The following PIP5K1B variants were observed in gnomAD, a reference collection of about 807,000 sequenced individuals.
PIP5K1B encodes phosphatidylinositol 4-phosphate 5-kinase type-1 beta.
Under a neutral mutation model 67.0 loss-of-function variants are expected in PIP5K1B, and 42 were observed. The observed-to-expected ratio is 0.63, with a 90% CI of 0.49 to 0.81. The LOEUF (loss-of-function observed/expected upper bound fraction) is 0.81. Ranked by LOEUF, PIP5K1B falls within the 30% of genes least tolerant of loss-of-function variation. PIP5K1B has a pLI of 0.00. For missense variants in PIP5K1B, 459 were observed against 646.3 expected (o/e 0.71, Z 3.14); for synonymous variants, 214 against 231.4 (o/e 0.92, Z 0.68).
chr9:68,839,195 T>C (rs1821784579), intron 4 of PIP5K1B, among the ~76,000 whole-genome samples: 1 of 152,224 alleles, frequency 6.6e-6, no homozygotes, highest in Non-Finnish European at 1.5e-5. Context: ...TTCCTTTTAT[T>C]GAGAATTTTA....
intron 4 of PIP5K1B, among the ~76,000 whole-genome samples, chr9:68,827,659 G>A (rs943185166): frequency 3.3e-5 from 5 of 152,166 alleles, no homozygotes; most frequent in Admixed American, 6.5e-5. Flanking sequence ...AAAGTTGGGT[G>A]CAAAGTTGAG....
At chr9:68,858,562 C>T (rs999776060) in intron 4 of PIP5K1B, among the ~76,000 whole-genome samples, 6 of 152,120 alleles carry the variant, frequency 3.9e-5, no homozygotes, top group African/African-American at 1.4e-4. Context: ...GGGAAGCAGA[C>T]AGGGAGTAAT....
At chr9:68,936,602 TGTG>T (rs1244476986) in intron 13 of PIP5K1B, among the ~76,000 whole-genome samples, 1 of 152,164 alleles carries the variant, frequency 6.6e-6, no homozygotes, top group Non-Finnish European at 1.5e-5. Context: ...GTCTTTAAGA[TGTG>T]GTGTTATTTC....
chr9:68,887,115 T>A (rs1163769417), intron 6 of PIP5K1B, among the ~76,000 whole-genome samples: 2 of 152,240 alleles, frequency 1.3e-5, no homozygotes, highest in African/African-American at 4.8e-5. Flanking sequence ...ATTTAGAATT[T>A]ACTGCAACTC....
chr9:68,731,698 G>A (rs1337203296), intron 1 of PIP5K1B, among the ~76,000 whole-genome samples: 2 of 152,172 alleles, frequency 1.3e-5, no homozygotes, highest in Non-Finnish European at 2.9e-5. Flanking sequence ...TGTGGCTGGA[G>A]TTAGACAGCC....
At chr9:68,896,966 C>G (rs1436601459) in intron 8 of PIP5K1B, among the ~76,000 whole-genome samples, 2 of 152,118 alleles carry the variant, frequency 1.3e-5, no homozygotes, top group Non-Finnish European at 2.9e-5. Context: ...AATCCCCTTC[C>G]TAGAGTTACC....
intron 14 of PIP5K1B, among the ~76,000 whole-genome samples, chr9:68,953,448 A>G (rs1310549517): frequency 1.3e-5 from 2 of 151,750 alleles, no homozygotes; most frequent in South Asian, 2.1e-4. Context: ...TACATGTTCT[A>G]TACTGGAGGT....
At chr9:68,961,456 AT>A (rs1828743456) in intron 14 of PIP5K1B, among the ~76,000 whole-genome samples, 1 of 152,214 alleles carries the variant, frequency 6.6e-6, no homozygotes, top group South Asian at 2.1e-4. Flanking sequence ...CATATGATAT[AT>A]CAATAAAACT....
chr9:68,830,228 C>T (rs765474036), intron 4 of PIP5K1B, among the ~76,000 whole-genome samples: 4 of 152,162 alleles, frequency 2.6e-5, no homozygotes, highest in Admixed American at 6.5e-5. Context: ...TAAATAATTC[C>T]GTTACACTTA....
chr9:68,974,295 A>G (rs958774306), intron 14 of PIP5K1B, among the ~76,000 whole-genome samples: 1 of 152,222 alleles, frequency 6.6e-6, no homozygotes, highest in East Asian at 1.9e-4. Context: ...TTCTTAAAGT[A>G]TAGGCTCTAG....
At chr9:68,737,523 A>C (rs1458083750) in intron 1 of PIP5K1B, among the ~76,000 whole-genome samples, 1 of 152,220 alleles carries the variant, frequency 6.6e-6, no homozygotes, top group East Asian at 1.9e-4. Context: ...ACAATGAAAG[A>C]AAATCCAGGT....
intron 2 of PIP5K1B, among the ~76,000 whole-genome samples, chr9:68,807,771 G>GA (rs1832949860): frequency 6.6e-6 from 1 of 151,902 alleles, no homozygotes; most frequent in Non-Finnish European, 1.5e-5. Context: ...GTACTCTTAG[G>GA]AAAAAAAGAG....
intron 2 of PIP5K1B, among the ~76,000 whole-genome samples, chr9:68,744,807 A>G (rs750926029): frequency 2.6e-5 from 4 of 151,898 alleles, no homozygotes; most frequent in Admixed American, 6.6e-5. Flanking sequence ...CTCACCTCCA[A>G]TTTCCTTGGT....
intron 4 of PIP5K1B, among the ~76,000 whole-genome samples, chr9:68,837,632 A>T: frequency 8.6e-6 from 1 of 116,618 alleles, no homozygotes. Context: ...TTTTGACCCA[A>T]GCTTTTATAT....
At position 69,004,319 on chromosome 9, in the gene PIP5K1B, G is replaced by A. The variant is rs944264812; in HGVS notation, c.1621-4128G>A. On this transcript the variant is annotated intron_variant, in intron 15 of 15. Coordinates refer to ENST00000265382, the MANE Select transcript of PIP5K1B (RefSeq NM_003558.4). Reference sequence around the variant, plus strand: ...AGGCAAAAATGCTGCACCTTTGTGGGCGTGTGTGTGTGTGTTTTTGTGTGT... The same window carrying A: ...AGGCAAAAATGCTGCACCTTTGTGGACGTGTGTGTGTGTGTTTTTGTGTGT... Among the ~76,000 whole-genome samples, 3 of 138,222 alleles carry A rather than the reference G, an allele frequency of 2.2e-5. No homozygotes were observed. The East Asian group carries it at 6.8e-4, about 31-fold the overall frequency. The allele number at this position is 138,222 out of a possible 152,430, so 90.7% of individuals were successfully genotyped here.
intron 8 of PIP5K1B, among the ~76,000 whole-genome samples, chr9:68,909,034 C>A (rs1322809208): frequency 6.6e-6 from 1 of 152,124 alleles, no homozygotes; most frequent in African/African-American, 2.4e-5. Context: ...CTGCTTTAAC[C>A]ACTTTAGTTA....
chr9:68,750,513 G>A (rs536408600), intron 2 of PIP5K1B, among the ~76,000 whole-genome samples: 26 of 152,302 alleles, frequency 1.7e-4, no homozygotes, highest in Non-Finnish European at 2.9e-4. Context: ...ATTTAGCAGC[G>A]TTTAGCAGGT....
chr9:68,853,713 A>G (rs916717848), intron 4 of PIP5K1B, among the ~76,000 whole-genome samples: 21 of 152,180 alleles, frequency 1.4e-4, no homozygotes, highest in African/African-American at 5.1e-4. Flanking sequence ...AGTCCTGTCT[A>G]TGTGAAGACC....
intron 2 of PIP5K1B, among the ~76,000 whole-genome samples, chr9:68,754,884 T>C (rs1192907146): frequency 1.3e-5 from 2 of 152,198 alleles, no homozygotes; most frequent in Non-Finnish European, 2.9e-5. Context: ...GCAGTGCTAG[T>C]CTCTTTTTTT....
Sources: gnomAD v4.1 joint callset for allele counts (sites outside exome capture counted in the v4.1 genomes callset) on GRCh38, gnomAD v4.1.1 for gene constraint, MANE v1.5 for transcripts, NCBI Gene and HGNC (gene_info 2026-07-23, HGNC 2026-07-21) for gene names.